The following DAB1 variants were observed in gnomAD, a reference collection of about 807,000 sequenced individuals.
The protein encoded by DAB1 is DAB adaptor protein 1, also known as disabled homolog 1.
In DAB1, 15 loss-of-function variants were observed where a neutral mutation model predicts 64.6. The observed-to-expected ratio is 0.23, with a 90% confidence interval of 0.16 to 0.36. The LOEUF is 0.36. DAB1 is among the 10% of genes least tolerant of loss of function. DAB1 has a pLI of 1.00. For synonymous variants in DAB1, 235 were observed against 251.9 expected, an observed-to-expected ratio of 0.93 and a Z score of 0.64; for missense variants, 596 against 706.7, an observed-to-expected ratio of 0.84 and a Z score of 1.78.
At chr1:57,831,248 A>G (rs1652574073) in intron 1 of DAB1, among the ~76,000 whole-genome samples, 1 of 152,064 alleles carries the variant, frequency 6.6e-6, no homozygotes, top group South Asian at 2.1e-4. Flanking sequence ...TGTAGAGTAC[A>G]TTCTGTGTGA....
At chr1:57,442,502 T>C (rs1040347426) in intron 7 of DAB1, among the ~76,000 whole-genome samples, 3 of 152,196 alleles carry the variant, frequency 2.0e-5, no homozygotes, top group Non-Finnish European at 4.4e-5. Context: ...CATTAAGACA[T>C]TGGTACTTAT....
intron 2 of DAB1, among the ~76,000 whole-genome samples, chr1:57,167,596 G>A (rs908638424): frequency 6.6e-6 from 1 of 152,070 alleles, no homozygotes; most frequent in Non-Finnish European, 1.5e-5. Context: ...TACATCCACC[G>A]TTTAATCTGC....
intron 4 of DAB1, among the ~76,000 whole-genome samples, chr1:58,191,816 G>A (rs1038823412): frequency 1.3e-5 from 2 of 152,156 alleles, no homozygotes; most frequent in African/African-American, 4.8e-5. Context: ...CTAGCACAGA[G>A]GCTGGTACAC....
chr1:58,228,941 T>C, intron 4 of DAB1: 1 of 473,892 alleles, frequency 2.1e-6, no homozygotes, highest in Non-Finnish European at 4.1e-6. Flanking sequence ...TGCTGCTAGA[T>C]TGACTGAGGA....
chr1:57,745,741 T>C (rs774290019), intron 6 of DAB1, among the ~76,000 whole-genome samples: 91 of 152,254 alleles, frequency 6.0e-4, no homozygotes, highest in Non-Finnish European at 1.8e-4. Flanking sequence ...TTGTTTTAAA[T>C]CTTTTTCAAA....
chr1:57,927,157 C>T (rs1644891431), intron 5 of DAB1, among the ~76,000 whole-genome samples: 2 of 152,186 alleles, frequency 1.3e-5, no homozygotes, highest in Admixed American at 1.3e-4. Flanking sequence ...ATAAGCATTA[C>T]ACCCATGACA....
chr1:57,548,871 A>G (rs1168889859), intron 7 of DAB1, among the ~76,000 whole-genome samples: 1 of 152,192 alleles, frequency 6.6e-6, no homozygotes, highest in African/African-American at 2.4e-5. Flanking sequence ...GCTCTATTCT[A>G]AGACCCTCAT....
intron 5 of DAB1, among the ~76,000 whole-genome samples, chr1:57,900,513 A>G (rs1023170977): frequency 6.6e-6 from 1 of 152,208 alleles, no homozygotes; most frequent in Non-Finnish European, 1.5e-5. Flanking sequence ...CTGATGGCTG[A>G]CTAGCTCAAG....
At chr1:57,242,033 G>T (rs1445610245) in intron 2 of DAB1, among the ~76,000 whole-genome samples, 1 of 152,136 alleles carries the variant, frequency 6.6e-6, no homozygotes, top group Non-Finnish European at 1.5e-5. Flanking sequence ...AGAAGAGTCT[G>T]TTTGAGTGAT....
At chr1:57,610,565 A>G (rs1645713706) in intron 7 of DAB1, among the ~76,000 whole-genome samples, 1 of 152,210 alleles carries the variant, frequency 6.6e-6, no homozygotes, top group South Asian at 2.1e-4. Flanking sequence ...TTCTAATAAC[A>G]AATACCCAAG....
At chr1:58,083,207 C>G (rs1387170552) in intron 5 of DAB1, among the ~76,000 whole-genome samples, 1 of 152,162 alleles carries the variant, frequency 6.6e-6, no homozygotes. Context: ...TCCACCCTCC[C>G]CACAACCCCA....
intron 3 of DAB1, among the ~76,000 whole-genome samples, chr1:58,478,547 T>C (rs1645442507): frequency 6.6e-6 from 1 of 152,178 alleles, no homozygotes; most frequent in South Asian, 2.1e-4. Flanking sequence ...GTTAGAGAGT[T>C]TGCATGACTT....
At chr1:57,590,478 C>A (rs1645431781) in intron 7 of DAB1, among the ~76,000 whole-genome samples, 1 of 151,904 alleles carries the variant, frequency 6.6e-6, no homozygotes, top group Admixed American at 6.6e-5. Flanking sequence ...CGTCACCATG[C>A]TCAGCTAATT....
At position 57,984,184 on chromosome 1, in the gene DAB1, A is replaced by AAAAAAAAGAAAGAAAGAAAGAAAG. The variant is rs1276859040; in HGVS notation, n.388-100023_388-100022insCTTTCTTTCTTTCTTTCTTTTTTT. Among the ~76,000 whole-genome samples the AAAAAAAAGAAAGAAAGAAAGAAAG allele has an allele frequency of 4.5e-4, 23 of 50,714 alleles. 3 individuals are homozygous for AAAAAAAAGAAAGAAAGAAAGAAAG. The highest frequency in any genetic ancestry group is 1.7e-3 in the East Asian group (3 of 1,732). The allele number at this position is 50,714 out of a possible 152,430, so 33.3% of individuals were successfully genotyped here. On this transcript the variant is annotated intron_variant and non_coding_transcript_variant, in intron 5 of 20. Transcript: ENST00000485760. ...TTCAGGGCCCAGGACTAGCTTAAAA[A>AAAAAAAAGAAAGAAAGAAAGAAAG]AAAGAAAGAAAGAAAGAAAGAAAGA... is the stretch of plus-strand genomic sequence containing the variant.
intron 5 of DAB1, among the ~76,000 whole-genome samples, chr1:57,944,223 C>T (rs1222847847): frequency 6.6e-6 from 1 of 152,144 alleles, no homozygotes; most frequent in Admixed American, 6.5e-5. Context: ...CTGTCTTTCA[C>T]CTGTCCTGTT....
chr1:57,687,242 C>A (rs1189918804), intron 6 of DAB1, among the ~76,000 whole-genome samples: 2 of 152,062 alleles, frequency 1.3e-5, no homozygotes, highest in Non-Finnish European at 1.5e-5. Context: ...CATTTCTATA[C>A]ACCAGTAACA....
intron 4 of DAB1, among the ~76,000 whole-genome samples, chr1:58,285,950 A>G (rs1661669912): frequency 4.6e-5 from 7 of 152,214 alleles, no homozygotes; most frequent in Admixed American, 3.9e-4. Flanking sequence ...ACAGCATGGT[A>G]CTGGTATAAA....
chr1:57,990,642 T>C (rs1415605782), intron 5 of DAB1, among the ~76,000 whole-genome samples: 1 of 151,748 alleles, frequency 6.6e-6, no homozygotes, highest in Non-Finnish European at 1.5e-5. Context: ...CCCCCAGAGG[T>C]CCAGACTGAG....
intron 6 of DAB1, among the ~76,000 whole-genome samples, chr1:57,656,374 G>C (rs1182159905): frequency 6.6e-6 from 1 of 151,218 alleles, no homozygotes; most frequent in Non-Finnish European, 1.5e-5. Flanking sequence ...GTGTGTTTTT[G>C]TGCTCGCTTT....
Sources: allele counts gnomAD v4.1 joint callset (sites outside exome capture counted in the v4.1 genomes callset), GRCh38; gene constraint gnomAD v4.1.1; transcripts MANE v1.5; gene names NCBI Gene and HGNC (gene_info 2026-07-23, HGNC 2026-07-21).